The following ALK variants were observed in gnomAD, a reference collection of about 807,000 sequenced individuals.
ALK encodes the protein ALK receptor tyrosine kinase.
ALK carries 74 observed loss-of-function variants against 163.1 expected under a neutral mutation model. That is an observed-to-expected ratio of 0.45 (90% CI 0.38 to 0.55). ALK has a LOEUF of 0.55. Ranked by LOEUF, ALK falls within the 20% of genes least tolerant of loss-of-function variation. ALK has a pLI of 0.00. For missense variants in ALK, 2,063 were observed against 2,105.3 expected (o/e 0.98, Z 0.39); for synonymous variants, 960 against 843.2 (o/e 1.14, Z -2.40).
intron 4 of ALK, among the ~76,000 whole-genome samples, chr2:29,513,300 G>T (rs1273645795): frequency 7.2e-6 from 1 of 138,478 alleles, no homozygotes. Flanking sequence ...CCAAAACAGA[G>T]ATATAGATCA....
At chr2:29,604,946 T>C (rs1348023654) in intron 3 of ALK, among the ~76,000 whole-genome samples, 1 of 152,226 alleles carries the variant, frequency 6.6e-6, no homozygotes, top group Admixed American at 6.5e-5. Context: ...TGGGATATTC[T>C]GACATATTTC....
At chr2:29,318,733 A>AT (rs1666913568) in intron 7 of ALK, among the ~76,000 whole-genome samples, 1 of 151,886 alleles carries the variant, frequency 6.6e-6, no homozygotes, top group African/African-American at 2.4e-5. Context: ...CGCCCGGCTA[A>AT]TTTTTTGTAT....
chr2:29,842,895 T>G (rs1230442492), intron 1 of ALK, among the ~76,000 whole-genome samples: 1 of 152,166 alleles, frequency 6.6e-6, no homozygotes. Context: ...CCCATCTTCC[T>G]CGGATGTTTC....
At chr2:29,756,811 G>C (rs891226094) in intron 1 of ALK, among the ~76,000 whole-genome samples, 7 of 152,182 alleles carry the variant, frequency 4.6e-5, no homozygotes, top group Admixed American at 3.9e-4. Context: ...ACAGGCATGA[G>C]CCACCGCACC....
Position 29,666,359 on chromosome 2 carries a change from G to T in ALK, c.952+28491C>A, listed in dbSNP as rs147310845. Among the ~76,000 whole-genome samples, 427 of 150,564 alleles carry T rather than the reference G, an allele frequency of 2.8e-3. 1 individual carries two copies. The highest frequency in any genetic ancestry group is 9.8e-3 in the African/African-American group (403 of 40,978). ...GCTTTGAAAATGAGCTACCTAATTT[G>T]AAACTATCAAAAAAATGGTATTTTC... On this transcript the variant is annotated intron_variant, in intron 3 of 28. Transcript: ENST00000389048.
intron 3 of ALK, among the ~76,000 whole-genome samples, chr2:29,677,838 A>G (rs1677931392): frequency 6.6e-6 from 1 of 152,060 alleles, no homozygotes; most frequent in African/African-American, 2.4e-5. Flanking sequence ...TTTATTTCTA[A>G]AAGAATATGT....
intron 1 of ALK, among the ~76,000 whole-genome samples, chr2:29,919,496 A>G (rs1042135594): frequency 6.6e-6 from 1 of 152,312 alleles, no homozygotes; most frequent in Admixed American, 6.5e-5. Flanking sequence ...GCCCAAGCCA[A>G]CGTTTGGAAT....
intron 1 of ALK, among the ~76,000 whole-genome samples, chr2:29,797,196 G>A (rs1664340805): frequency 6.6e-6 from 1 of 152,088 alleles, no homozygotes; most frequent in African/African-American, 2.4e-5. Context: ...GCAGCTCTCT[G>A]CTCATAACTT....
intron 5 of ALK, among the ~76,000 whole-genome samples, chr2:29,337,982 A>T (rs1040896629): frequency 6.6e-6 from 1 of 152,214 alleles, no homozygotes; most frequent in African/African-American, 2.4e-5. Flanking sequence ...TACAAGATTT[A>T]TGTGAGGATG....
At chr2:29,829,977 C>G (rs1224392102) in intron 1 of ALK, among the ~76,000 whole-genome samples, 4 of 152,184 alleles carry the variant, frequency 2.6e-5, no homozygotes, top group Admixed American at 1.3e-4. Context: ...TTTGCTGTCT[C>G]TCTGCAAGGT....
intron 1 of ALK, among the ~76,000 whole-genome samples, chr2:29,840,509 T>C (rs1441492943): frequency 6.6e-6 from 1 of 152,212 alleles, no homozygotes; most frequent in Non-Finnish European, 1.5e-5. Flanking sequence ...TGGTTTTGCT[T>C]AGTTTCTTGA....
chr2:29,498,882 T>A (rs1013591743), intron 4 of ALK, among the ~76,000 whole-genome samples: 1 of 152,102 alleles, frequency 6.6e-6, no homozygotes, highest in Admixed American at 6.5e-5. Context: ...GACGGTGGCA[T>A]GAAAAAGCCA....
chr2:29,644,396 A>AT (rs1213042153), intron 3 of ALK, among the ~76,000 whole-genome samples: 3 of 145,600 alleles, frequency 2.1e-5, no homozygotes, highest in South Asian at 2.1e-4. Context: ...CTTAAAGTAT[A>AT]TTTAAAAAAA....
intron 5 of ALK, among the ~76,000 whole-genome samples, chr2:29,342,002 TAAC>T (rs1008232142): frequency 6.6e-6 from 1 of 152,172 alleles, no homozygotes; most frequent in Non-Finnish European, 1.5e-5. Context: ...GAAGGATAAA[TAAC>T]AACAACGAAA....
intron 1 of ALK, among the ~76,000 whole-genome samples, chr2:29,831,263 GA>G (rs1469883433): frequency 0.016 from 1,201 of 75,036 alleles, 127 homozygotes; most frequent in African/African-American, 0.03. Flanking sequence ...GGAAGAGGAA[GA>G]AGAAGAAGAA....
chr2:29,477,678 G>T (rs1039976903), intron 4 of ALK, among the ~76,000 whole-genome samples: 1 of 152,208 alleles, frequency 6.6e-6, no homozygotes, highest in Non-Finnish European at 1.5e-5. Flanking sequence ...CCGGCTGCTG[G>T]TTTCAGAGGT....
At position 29,328,374 on chromosome 2, in the gene ALK, C is replaced by G; in HGVS notation, c.1390G>C (p.Gly464Arg). The G allele has an allele frequency of 6.2e-7, 1 of 1,614,210 alleles. No homozygotes were observed. Among genetic ancestry groups the G allele is most frequent in the Non-Finnish European group, 8.5e-7 (1 of 1,180,020 alleles). Residue 464 changes from glycine to arginine, a missense_variant, in exon 6 of 29, where the codon GGA (glycine) becomes CGA (arginine). Coordinates refer to ENST00000389048, the MANE Select transcript of ALK (RefSeq NM_004304.5). ...CGGCACATCTGGCTCTCATCTTCTC[C>G]CTGGGCACAGTCCTGGTGGAAGTCA... ...ACDFHQDCAQ[G>R]EDESQMCRKL...
At chr2:29,391,662 C>G (rs181454800) in intron 4 of ALK, among the ~76,000 whole-genome samples, 5 of 152,144 alleles carry the variant, frequency 3.3e-5, no homozygotes, top group Admixed American at 3.3e-4. Flanking sequence ...CTCCCTTGTT[C>G]CCTCCCTCCC....
At chr2:29,554,054 A>C (rs958517748) in intron 3 of ALK, among the ~76,000 whole-genome samples, 1 of 152,144 alleles carries the variant, frequency 6.6e-6, no homozygotes, top group African/African-American at 2.4e-5. Context: ...TATGCTATCA[A>C]ATCTTATATA....
Sources: allele counts gnomAD v4.1 joint callset (sites outside exome capture counted in the v4.1 genomes callset), GRCh38; gene constraint gnomAD v4.1.1; transcripts MANE v1.5; gene names NCBI Gene and HGNC (gene_info 2026-07-23, HGNC 2026-07-21).